The following GIGYF2 variants were observed in gnomAD, a reference collection of about 807,000 sequenced individuals.
The protein encoded by GIGYF2 is GRB10 interacting GYF protein 2, also known as GRB10-interacting GYF protein 2.
In GIGYF2, 25 loss-of-function variants were observed where a neutral mutation model predicts 208.1. That is an observed-to-expected ratio of 0.12 (90% CI 0.09 to 0.17). The LOEUF is 0.17. Ranked by LOEUF, GIGYF2 falls within the 10% of genes least tolerant of loss-of-function variation. The pLI is 1.00. For missense variants in GIGYF2, 1,302 were observed against 1,579.4 expected (o/e 0.82, Z 2.98); for synonymous variants, 534 against 543.8 (o/e 0.98, Z 0.25).
At chr2:232,761,348 T>A (rs1698734209) in intron 7 of GIGYF2, 48 bp from the exon 8 acceptor site, 7 of 1,266,526 alleles carry the variant, frequency 5.5e-6, no homozygotes, top group Non-Finnish European at 8.1e-6. Context: ...AGATAGGAAA[T>A]CTATATCACT....
chr2:232,716,374 G>GTTTTTTTTTTTTT (rs397988241), intron 2 of GIGYF2, among the ~76,000 whole-genome samples: 2 of 100,290 alleles, frequency 2.0e-5, no homozygotes, highest in African/African-American at 4.0e-5. Flanking sequence ...GGTGTTATTT[G>GTTTTTTTTTTTTT]TTTTTTTTTT....
chr2:232,731,589 C>T (rs892577913), intron 2 of GIGYF2, among the ~76,000 whole-genome samples: 2 of 152,104 alleles, frequency 1.3e-5, no homozygotes, highest in African/African-American at 4.8e-5. Flanking sequence ...CCAAGTAGGT[C>T]CACATACTTT....
At position 232,819,860 on chromosome 2, in the gene GIGYF2, A is replaced by G. The variant is rs200173961; in HGVS notation, c.2404A>G (p.Ile802Val). The G allele has an allele frequency of 2.6e-6, 4 of 1,566,264 alleles. No homozygotes were observed. Among genetic ancestry groups the G allele is most frequent in the East Asian group, 2.4e-5 (1 of 42,428 alleles). The change falls in exon 21 of 29, where the codon ATT becomes GTT. Residue 802 changes from isoleucine to valine, a missense_variant. Ile to Val is a conservative substitution (Grantham distance 29). This residue lies in a region of GIGYF2 where 701 missense variants were observed against 793.0 expected (regional missense o/e 0.88). Transcript: ENST00000373563. Reference sequence around the variant, plus strand: ...TCTGCGTCGCCAGCGGGAGCAAGAAATTGCATTAAGGCGACAGCGAGAAGA... The same window carrying G: ...TCTGCGTCGCCAGCGGGAGCAAGAAGTTGCATTAAGGCGACAGCGAGAAGA... ...EALRRQREQE[I>V]ALRRQREEEE...
At chr2:232,773,025 C>G (rs1699334360) in intron 8 of GIGYF2, among the ~76,000 whole-genome samples, 1 of 152,016 alleles carries the variant, frequency 6.6e-6, no homozygotes, top group South Asian at 2.1e-4. Flanking sequence ...CAGATTTGAG[C>G]TAATGGAACA....
At chr2:232,755,231 C>A (rs1698489004) in intron 5 of GIGYF2, among the ~76,000 whole-genome samples, 1 of 152,172 alleles carries the variant, frequency 6.6e-6, no homozygotes, top group Non-Finnish European at 1.5e-5. Flanking sequence ...AGTGCAGTGG[C>A]ATGATCTCGG....
At chr2:232,839,492 A>G (rs1701753203) in intron 22 of GIGYF2, among the ~76,000 whole-genome samples, 1 of 152,208 alleles carries the variant, frequency 6.6e-6, no homozygotes, top group Admixed American at 6.5e-5. Flanking sequence ...CAATTAAAAA[A>G]TCCTTAAGCC....
At position 232,796,100 on chromosome 2, in the gene GIGYF2, A is replaced by C; in HGVS notation, c.1518A>C (p.Ala506=). The change falls in exon 14 of 29, where the codon GCA becomes GCC. Residue 506 remains alanine, a synonymous_variant. Coordinates refer to ENST00000373563, the MANE Select transcript of GIGYF2 (RefSeq NM_001103146.3). ...EKMVAYLQDS[A]LDDERLASKL... ...TGGTGGCTTATCTCCAAGACAGTGC[A>C]CTAGATGATGAAAGATTGGCATCAA... is the stretch of plus-strand genomic sequence containing the variant. The C allele has an allele frequency of 6.2e-7, 1 of 1,610,836 alleles. No individual in the cohort carries two copies. The highest frequency in any genetic ancestry group is 8.5e-7 in the Non-Finnish European group (1 of 1,177,012).
chr2:232,819,776 G>T, intron 20 of GIGYF2, 51 bp from the exon 21 acceptor site: 2 of 772,300 alleles, frequency 2.6e-6, no homozygotes, highest in Non-Finnish European at 4.7e-6. Flanking sequence ...TAAATTGAAT[G>T]ATAGACCTGA....
At chr2:232,770,107 CTTG>C (rs780948203) in intron 8 of GIGYF2, among the ~76,000 whole-genome samples, 1 of 152,108 alleles carries the variant, frequency 6.6e-6, no homozygotes, top group Non-Finnish European at 1.5e-5. Context: ...TATAGGAACT[CTTG>C]TTGTAGAAGT....
At chr2:232,756,932 T>C (rs937493879) in intron 6 of GIGYF2, among the ~76,000 whole-genome samples, 11 of 152,246 alleles carry the variant, frequency 7.2e-5, no homozygotes, top group Non-Finnish European at 1.6e-4. Context: ...GATTTTCTCC[T>C]ATATGACGAC....
intron 9 of GIGYF2, 45 bp from the exon 10 acceptor site, chr2:232,790,653 T>C: frequency 2.1e-6 from 3 of 1,441,154 alleles, no homozygotes; most frequent in Non-Finnish European, 2.9e-6. Flanking sequence ...ATTCAAATAC[T>C]GTCATAAAAC....
chr2:232,729,532 G>T, intron 2 of GIGYF2: 5 of 1,297,618 alleles, frequency 3.9e-6, no homozygotes, highest in South Asian at 1.6e-5. Flanking sequence ...TTTAGATTTT[G>T]TTGAAAGCAG....
At chr2:232,755,318 C>G (rs953864604) in intron 5 of GIGYF2, among the ~76,000 whole-genome samples, 1 of 152,034 alleles carries the variant, frequency 6.6e-6, no homozygotes, top group South Asian at 2.1e-4. Context: ...TTACAGGTGC[C>G]TGCCACCGCG....
Position 232,796,181 on chromosome 2 carries a change from G to T in GIGYF2, c.1599G>T (p.Met533Ile). Residue 533 changes from methionine to isoleucine, a missense_variant, in exon 14 of 29, where the codon ATG (methionine) becomes ATT (isoleucine). By Grantham distance (10) the Met-to-Ile change is conservative. Transcript: ENST00000373563. The stretch of plus-strand genomic sequence containing the variant: ...CGATTCCATTGATGCATGAAGCAAT[G>T]CAGAAGTGGTATTACAAAGATCCTC... ...GVSIPLMHEAMQKWYYKDPQG... is the reference protein window; with the variant it reads ...GVSIPLMHEAIQKWYYKDPQG... The T allele has an allele frequency of 6.2e-7, 1 of 1,606,380 alleles. No homozygotes were observed. The highest frequency in any genetic ancestry group is 8.5e-7 in the Non-Finnish European group (1 of 1,172,936).
At chr2:232,733,181 C>T (rs140877663) in intron 2 of GIGYF2, among the ~76,000 whole-genome samples, 3,490 of 150,602 alleles carry the variant, frequency 0.023, 154 homozygotes, top group African/African-American at 0.081. Context: ...GGTGTGAACC[C>T]GGGAGGCGGA....
Position 232,832,903 on chromosome 2 carries a change from G to T in GIGYF2, c.2576G>T (p.Arg859Leu). 6.4e-7 allele frequency: 1 copy of T among 1,563,236 alleles called. No individual in the cohort carries two copies. The highest frequency in any genetic ancestry group is 8.7e-7 in the Non-Finnish European group (1 of 1,153,732). Residue 859 changes from arginine to leucine, a missense_variant, in exon 22 of 29, where the codon CGT becomes CTT. Transcript: ENST00000373563. Reference protein sequence around the residue: ...KWAREEEEAQRRLEENRLRME... With the variant: ...KWAREEEEAQLRLEENRLRME... ...GCCCGGGAAGAAGAAGAAGCCCAGC[G>T]TCGATTAGAGGAGAACCGGCTGCGG...
At chr2:232,768,778 G>T in intron 8 of GIGYF2, 1 of 1,600,988 alleles carries the variant, frequency 6.2e-7, no homozygotes, top group Non-Finnish European at 8.5e-7. Context: ...GAAAAAGCTC[G>T]ATTTTTTGGC....
intron 8 of GIGYF2, among the ~76,000 whole-genome samples, chr2:232,779,430 C>T (rs1327373506): frequency 3.3e-5 from 5 of 152,132 alleles, no homozygotes; most frequent in African/African-American, 1.2e-4. Flanking sequence ...TTCTTGAGAA[C>T]AGTAAAATCT....
chr2:232,710,668 T>C (rs1439119188), intron 2 of GIGYF2, among the ~76,000 whole-genome samples: 6 of 151,452 alleles, frequency 4.0e-5, no homozygotes, highest in African/African-American at 7.3e-5. Flanking sequence ...TTTGAATAAG[T>C]GTCACATTTT....
Sources: gnomAD v4.1 joint callset for allele counts (sites outside exome capture counted in the v4.1 genomes callset) on GRCh38, gnomAD v4.1.1 for gene constraint, gnomAD v4.1.1 regional missense constraint, MANE v1.5 for transcripts, NCBI Gene and HGNC (gene_info 2026-07-23, HGNC 2026-07-21) for gene names.